The following PTPN23 variants were observed in gnomAD, a reference collection of about 807,000 sequenced individuals.
PTPN23 encodes tyrosine-protein phosphatase non-receptor type 23.
A neutral mutation model predicts 156.3 loss-of-function variants in PTPN23; 72 were observed. The observed-to-expected ratio is 0.46, with a 90% CI of 0.38 to 0.56. The LOEUF (loss-of-function observed/expected upper bound fraction) is 0.56. PTPN23 is among the 20% of genes least tolerant of loss of function. The pLI is 0.00. For missense variants in PTPN23, 1,974 were observed against 2,171.5 expected (o/e 0.91, Z 1.81); for synonymous variants, 957 against 899.6 (o/e 1.06, Z -1.14).
At chr3:47,403,299 G>A (rs982700568) in intron 2 of PTPN23, among the ~76,000 whole-genome samples, 3 of 152,034 alleles carry the variant, frequency 2.0e-5, no homozygotes, top group East Asian at 1.9e-4. Context: ...TGATCCTCCC[G>A]CCTCGGCCTC....
intron 2 of PTPN23, among the ~76,000 whole-genome samples, chr3:47,398,046 A>G (rs1369462413): frequency 6.6e-6 from 1 of 151,944 alleles, no homozygotes; most frequent in Non-Finnish European, 1.5e-5. Context: ...CTGTAATGCT[A>G]TCACTTTGGG....
chr3:47,389,899 C>T (rs965125628), intron 1 of PTPN23, among the ~76,000 whole-genome samples: 5 of 148,264 alleles, frequency 3.4e-5, no homozygotes, highest in Non-Finnish European at 7.4e-5. Context: ...ATGGCAAAAC[C>T]CCATCTCTAC....
At position 47,406,052 on chromosome 3, in the gene PTPN23, G is replaced by A. The variant is rs763819568; in HGVS notation, c.546+6G>A. 4 of 1,611,190 alleles carry A rather than the reference G, an allele frequency of 2.5e-6. No homozygotes were observed. Among genetic ancestry groups the A allele is most frequent in the Admixed American group, 3.4e-5 (2 of 59,628 alleles). ...TCAACGTCAACCTCATGCTGGTGAG[G>A]AGGCGCCCTGGTTGGAGTGGAGTTG... On this transcript the variant is annotated splice_donor_region_variant and intron_variant, in intron 6 of 24. Coordinates refer to ENST00000265562, the MANE Select transcript of PTPN23 (RefSeq NM_015466.4). This position sits in a 1 kb window ranked among gnomAD's most constrained non-coding sequence, Gnocchi z 5.8.
At chr3:47,408,098 T>C in intron 14 of PTPN23, 143 bp downstream of exon 14, 1 of 1,063,058 alleles carries the variant, frequency 9.4e-7, no homozygotes, top group Non-Finnish European at 1.4e-6. Flanking sequence ...CCTGGGGTGG[T>C]GGGGCTAGTG....
intron 2 of PTPN23, among the ~76,000 whole-genome samples, chr3:47,403,143 C>CG (rs546311876): frequency 0.025 from 3,834 of 152,054 alleles, 69 homozygotes; most frequent in Middle Eastern, 0.048. Flanking sequence ...CTCCGCCCCC[C>CG]GGGGGTTCAC....
rs569446375 is a variant in PTPN23, at chr3:47,409,108, T to C, written c.1642+21T>C. ...CCCAGGTGAGCCCCACCAGACCCCA[T>C]TGGGAGACTCGAGCTGGGGGTTTCT... On this transcript the variant is annotated intron_variant, in intron 16 of 24. Transcript: ENST00000265562. The C allele has an allele frequency of 1.1e-4, 179 of 1,607,576 alleles. No individual in the cohort carries two copies. The South Asian group carries it at 1.6e-3, about 14-fold the overall frequency.
Position 47,405,441 on chromosome 3 carries a change from C to G in PTPN23, c.365-308C>G, listed in dbSNP as rs991387716. The G allele has an allele frequency of 9.3e-6, 5 of 540,060 alleles. No homozygotes were observed. In the African/African-American group the frequency reaches 9.5e-5, roughly 10 times the overall value. 33.5% of individuals were successfully genotyped at this position (540,060 alleles called of 1,614,324 possible). On this transcript the variant is annotated intron_variant, in intron 4 of 24. Transcript: ENST00000265562. The surrounding 1 kb of genome is among the most constrained non-coding windows in gnomAD (Gnocchi z 4.7). ...GGCCTCAGCTTACCCTGCTAGTCAG[C>G]CTTAGCCTGGCTCAAGGGAGAAGCT...
intron 23 of PTPN23, 32 bp downstream of exon 23, chr3:47,412,453 G>A: frequency 6.2e-7 from 1 of 1,611,616 alleles, no homozygotes; most frequent in Non-Finnish European, 8.5e-7. Flanking sequence ...GCTGGGATGG[G>A]CCTTCTGTCC....
At chr3:47,386,128 C>CA (rs1274284009) in intron 1 of PTPN23, among the ~76,000 whole-genome samples, 1 of 152,116 alleles carries the variant, frequency 6.6e-6, no homozygotes, top group South Asian at 2.1e-4. Context: ...TGCTGTCCAC[C>CA]ACTGGGTTAG....
At chr3:47,408,078 T>A (rs1472135088) in intron 14 of PTPN23, 123 bp downstream of exon 14, 1 of 1,257,226 alleles carries the variant, frequency 8.0e-7, no homozygotes, top group East Asian at 2.5e-5. Context: ...TTCCCAATGC[T>A]GCCTTCCCGC....
At position 47,405,878 on chromosome 3, in the gene PTPN23, T is replaced by C; in HGVS notation, c.415-37T>C. 1 of 1,608,706 alleles carries C rather than the reference T, an allele frequency of 6.2e-7. No homozygotes were observed. The highest frequency in any genetic ancestry group is 1.1e-5 in the South Asian group (1 of 90,368). On this transcript the variant is annotated intron_variant, in intron 5 of 24. Coordinates refer to ENST00000265562, the MANE Select transcript of PTPN23 (RefSeq NM_015466.4). This position sits in a 1 kb window ranked among gnomAD's most constrained non-coding sequence, Gnocchi z 4.7. The stretch of plus-strand genomic sequence containing the variant: ...CCAAGTATGGATGAATCCTGACCCA[T>C]GGAGTGGACACAGGCCATCCTCCCA...
rs1270510654 is a variant in PTPN23 at position 47,408,952 on chromosome 3, GA to G, written c.1509del (p.Val504SerfsTer16). 6.2e-7 allele frequency: 1 copy of G among 1,614,110 alleles called. No individual in the cohort carries two copies. The highest frequency in any genetic ancestry group is 8.5e-7 in the Non-Finnish European group (1 of 1,180,046). On this transcript the variant is annotated frameshift_variant, in exon 16 of 25. Transcript: ENST00000265562. LOFTEE classifies it high-confidence loss of function. ...GAGGCGAGAATGGGCCAAGTACATG[GA>G]AGTCCATGAGAAGGCCTCCTTCACC... ...EVRREWAKYM[E>X]VHEKASFTNS...
At position 47,412,426 on chromosome 3, in the gene PTPN23, G is replaced by A. The variant is rs760608649; in HGVS notation, c.4317+5G>A. The A allele has an allele frequency of 6.2e-6, 10 of 1,612,644 alleles. No homozygotes were observed. Among genetic ancestry groups the A allele is most frequent in the Middle Eastern group, 1.7e-4 (1 of 6,052 alleles). ...AAGCACATGCTGCAGGAGAAGGTGA[G>A]GATCTGGGCAGATGGGGCTGGGATG... On this transcript the variant is annotated splice_donor_5th_base_variant and intron_variant, in intron 23 of 24. Coordinates refer to ENST00000265562, the MANE Select transcript of PTPN23 (RefSeq NM_015466.4).
intron 2 of PTPN23, among the ~76,000 whole-genome samples, chr3:47,401,949 G>A (rs916387941): frequency 6.6e-6 from 1 of 152,174 alleles, no homozygotes; most frequent in Non-Finnish European, 1.5e-5. Flanking sequence ...GAGCATCCCT[G>A]CTGGCAGCTC....
At chr3:47,382,991 C>T (rs1046945036) in intron 1 of PTPN23, among the ~76,000 whole-genome samples, 1 of 152,054 alleles carries the variant, frequency 6.6e-6, no homozygotes, top group African/African-American at 2.4e-5. Context: ...CTGGCCAAAA[C>T]TCCTGTTTTC....
chr3:47,412,132 T>C lies in PTPN23; in HGVS notation c.4112T>C (p.Ile1371Thr), dbSNP rs1234561571. The C allele has an allele frequency of 6.2e-7, 1 of 1,613,026 alleles. No individual in the cohort carries two copies. Among genetic ancestry groups the C allele is most frequent in the Non-Finnish European group, 8.5e-7 (1 of 1,180,036 alleles). ...PDSPSNLLRFIQEVHAHYLHQ... is the reference protein window; with the variant it reads ...PDSPSNLLRFTQEVHAHYLHQ... The stretch of plus-strand genomic sequence containing the variant: ...AGCCCCAGCAACTTGCTGCGCTTCA[T>C]CCAGGAGGTGCACGCACATTACCTG... The change falls in exon 22 of 25, where the codon ATC (isoleucine) becomes ACC (threonine). Residue 1371 changes from isoleucine to threonine, a missense_variant. Physicochemically the swap from Ile to Thr is moderately conservative, Grantham distance 89 (BLOSUM62 -1). Coordinates refer to ENST00000265562, the MANE Select transcript of PTPN23 (RefSeq NM_015466.4).
intron 2 of PTPN23, among the ~76,000 whole-genome samples, chr3:47,399,237 G>C (rs1704942945): frequency 6.6e-6 from 1 of 152,168 alleles, no homozygotes; most frequent in African/African-American, 2.4e-5. Context: ...CTGGTGCTGG[G>C]GGTGGGGGAT....
intron 1 of PTPN23, among the ~76,000 whole-genome samples, chr3:47,384,096 CAAGT>C (rs1704604993): frequency 1.4e-5 from 2 of 144,288 alleles, no homozygotes; most frequent in East Asian, 2.1e-4. Context: ...GATAAGCAGA[CAAGT>C]AAGAGACAGC....
At position 47,405,490 on chromosome 3, in the gene PTPN23, A is replaced by G; in HGVS notation, c.365-259A>G. The stretch of plus-strand genomic sequence containing the variant: ...CTTGGGGAGCCCCAGAGTTCTGTGC[A>G]AACATCCCTGAAGCTTCAAGATTGG... On this transcript the variant is annotated intron_variant, in intron 4 of 24. Coordinates refer to ENST00000265562, the MANE Select transcript of PTPN23 (RefSeq NM_015466.4). The surrounding 1 kb of genome is among the most constrained non-coding windows in gnomAD (Gnocchi z 4.7). 3.6e-6 allele frequency: 2 copies of G among 560,976 alleles called. No homozygotes were observed. The highest frequency in any genetic ancestry group is 6.3e-6 in the Non-Finnish European group (2 of 315,784). The allele number at this position is 560,976 out of a possible 1,614,324, so 34.7% of individuals were successfully genotyped here. A position where few individuals can be genotyped will look rare whatever the true frequency, so the allele number is the denominator to read the frequency against.
Sources: gnomAD v4.1 joint callset for allele counts (sites outside exome capture counted in the v4.1 genomes callset) on GRCh38, gnomAD v4.1.1 for gene constraint, Gnocchi (gnomAD v3.1) non-coding constraint, MANE v1.5 for transcripts, NCBI Gene and HGNC (gene_info 2026-07-23, HGNC 2026-07-21) for gene names.